CALN1: variants seen among roughly 807,000 people sequenced by gnomAD.
The protein encoded by CALN1 is calneuron 1, also known as calcium-binding protein 8.
CALN1 carries 17 observed loss-of-function variants against 30.6 expected under a neutral mutation model. The observed-to-expected ratio is 0.56, with a 90% confidence interval of 0.38 to 0.83. The LOEUF (loss-of-function observed/expected upper bound fraction) is 0.83, where lower values mean the gene tolerates loss of function less well. CALN1 is among the 40% of genes least tolerant of loss of function. CALN1 has a pLI of 0.00. For synonymous variants in CALN1, 156 were observed against 131.4 expected, an observed-to-expected ratio of 1.19 and a Z score of -1.28; for missense variants, 291 against 354.9, an observed-to-expected ratio of 0.82 and a Z score of 1.45.
At chr7:72,255,543 T>G (rs1326796879) in intron 3 of CALN1, among the ~76,000 whole-genome samples, 1 of 151,376 alleles carries the variant, frequency 6.6e-6, no homozygotes, top group Non-Finnish European at 1.5e-5. Context: ...GCTTCCCGAG[T>G]AGCTAGGACT....
At chr7:72,128,949 C>G (rs922512064) in intron 3 of CALN1, among the ~76,000 whole-genome samples, 1 of 152,144 alleles carries the variant, frequency 6.6e-6, no homozygotes, top group African/African-American at 2.4e-5. Context: ...ACAAAGTAAA[C>G]ATGTTTGTAA....
chr7:72,314,690 C>CA (rs1800313975), intron 2 of CALN1, among the ~76,000 whole-genome samples: 1 of 151,860 alleles, frequency 6.6e-6, no homozygotes, highest in African/African-American at 2.4e-5. Flanking sequence ...GCTGGGATTA[C>CA]AGGCGTGAGC....
chr7:71,953,545 C>T (rs1796803571), intron 5 of CALN1, among the ~76,000 whole-genome samples: 2 of 152,092 alleles, frequency 1.3e-5, no homozygotes, highest in South Asian at 4.1e-4. Flanking sequence ...TATACATATT[C>T]TCTTTCTGGT....
chr7:72,352,942 A>C (rs1803013415), intron 2 of CALN1, among the ~76,000 whole-genome samples: 1 of 152,316 alleles, frequency 6.6e-6, no homozygotes, highest in South Asian at 2.1e-4. Context: ...AAAGAATAAC[A>C]AGGGAATATT....
At chr7:72,030,582 G>A (rs1054677662) in intron 4 of CALN1, among the ~76,000 whole-genome samples, 72 of 152,226 alleles carry the variant, frequency 4.7e-4, no homozygotes, top group African/African-American at 1.6e-3. Flanking sequence ...TAGGGGAACG[G>A]AAACAAATAG....
At chr7:72,071,185 C>T (rs553762441) in intron 4 of CALN1, among the ~76,000 whole-genome samples, 5 of 152,276 alleles carry the variant, frequency 3.3e-5, no homozygotes, top group South Asian at 4.1e-4. Flanking sequence ...GGGAGATGTG[C>T]ACATGTTCCT....
At chr7:72,016,547 C>T (rs1368654383) in intron 5 of CALN1, among the ~76,000 whole-genome samples, 1 of 151,812 alleles carries the variant, frequency 6.6e-6, no homozygotes, top group African/African-American at 2.4e-5. Flanking sequence ...GGCAATCCTC[C>T]TGCCTCAGCC....
intron 5 of CALN1, among the ~76,000 whole-genome samples, chr7:72,021,090 G>C (rs1800678698): frequency 6.6e-6 from 1 of 152,000 alleles, no homozygotes; most frequent in South Asian, 2.1e-4. Context: ...GGGCAACATA[G>C]CAAGACACCA....
intron 3 of CALN1, among the ~76,000 whole-genome samples, chr7:72,247,215 A>G (rs1454164933): frequency 1.7e-5 from 2 of 120,726 alleles, no homozygotes; most frequent in Non-Finnish European, 3.4e-5. Flanking sequence ...TTTTCAACAG[A>G]CCATTTTCTT....
chr7:72,330,466 C>CAA (rs34819395), intron 2 of CALN1, among the ~76,000 whole-genome samples: 2,620 of 112,848 alleles, frequency 0.023, 78 homozygotes, highest in African/African-American at 0.062. Flanking sequence ...AGACTGTCTC[C>CAA]AAAAAAAAAA....
chr7:72,455,505 G>C, the CALN1 span, among the ~76,000 whole-genome samples: 2 of 151,960 alleles, frequency 1.3e-5, no homozygotes, highest in Non-Finnish European at 1.5e-5. Flanking sequence ...AAACGAGGGA[G>C]ATAAAGCCCT....
Position 71,993,955 on chromosome 7 carries a change from C to T in CALN1, c.501+29702G>A, listed in dbSNP as rs844691. Among the ~76,000 whole-genome samples the T allele has an allele frequency of 8.6e-5, 13 of 152,042 alleles. No individual in the cohort carries two copies. The South Asian group carries it at 1.5e-3, about 17-fold the overall frequency. Reference sequence around the variant, plus strand: ...TTACTACAAAAAATGTTGAATTATACGACTGAAATTTAAATGTTGTGACCC... The same window carrying T: ...TTACTACAAAAAATGTTGAATTATATGACTGAAATTTAAATGTTGTGACCC... On this transcript the variant is annotated intron_variant, in intron 5 of 6. Coordinates refer to ENST00000395275, the MANE Select transcript of CALN1 (RefSeq NM_031468.4).
intron 2 of CALN1, among the ~76,000 whole-genome samples, chr7:72,380,093 A>T (rs1052112927): frequency 6.6e-6 from 1 of 152,240 alleles, no homozygotes; most frequent in African/African-American, 2.4e-5. Context: ...GAAATAGTGC[A>T]CATTGTTTTT....
At chr7:72,491,560 C>T in the CALN1 span, among the ~76,000 whole-genome samples, 1 of 152,198 alleles carries the variant, frequency 6.6e-6, no homozygotes, top group Non-Finnish European at 1.5e-5. Context: ...CATGGTAAGA[C>T]TCTGTCTCAA....
intron 2 of CALN1, among the ~76,000 whole-genome samples, chr7:72,368,291 T>A (rs867801622): frequency 3.5e-4 from 52 of 149,872 alleles, no homozygotes; most frequent in African/African-American, 1.2e-3. Context: ...AACGTAGATA[T>A]ATTCAGTTTG....
At chr7:72,330,871 C>T (rs1317055589) in intron 2 of CALN1, among the ~76,000 whole-genome samples, 2 of 152,162 alleles carry the variant, frequency 1.3e-5, no homozygotes, top group Non-Finnish European at 2.9e-5. Flanking sequence ...GTTATTTAGT[C>T]TTGCTCGGAC....
chr7:72,256,823 T>G (rs1795946830), intron 3 of CALN1, among the ~76,000 whole-genome samples: 1 of 152,128 alleles, frequency 6.6e-6, no homozygotes, highest in Non-Finnish European at 1.5e-5. Context: ...AAGAAATTCA[T>G]TATTGCCCTA....
At chr7:72,231,492 C>T (rs1794097209) in intron 3 of CALN1, among the ~76,000 whole-genome samples, 1 of 152,154 alleles carries the variant, frequency 6.6e-6, no homozygotes, top group African/African-American at 2.4e-5. Context: ...CATAGTATTC[C>T]ATGGTATATG....
chr7:72,443,175 C>T (rs77517001), intron 1 of CALN1, among the ~76,000 whole-genome samples: 2,017 of 152,324 alleles, frequency 0.013, 35 homozygotes, highest in African/African-American at 0.046. Flanking sequence ...GTGTCACCAT[C>T]TGACGTGCTA....
Sources: gnomAD v4.1 joint callset for allele counts (sites outside exome capture counted in the v4.1 genomes callset) on GRCh38, gnomAD v4.1.1 for gene constraint, MANE v1.5 for transcripts, NCBI Gene and HGNC (gene_info 2026-07-23, HGNC 2026-07-21) for gene names.